PDXDC1: variants seen among roughly 807,000 people sequenced by gnomAD.
The protein encoded by PDXDC1 is pyridoxal-dependent decarboxylase domain-containing protein 1.
In PDXDC1, 42 loss-of-function variants were observed where a neutral mutation model predicts 100.1. The ratio of observed to expected loss-of-function variants is 0.42; its 90% confidence interval spans 0.33 to 0.54. The LOEUF (loss-of-function observed/expected upper bound fraction) is 0.54, where lower values mean the gene tolerates loss of function less well. PDXDC1 is among the 20% of genes least tolerant of loss of function. The pLI is 0.10. For synonymous variants in PDXDC1, 260 were observed against 371.7 expected (o/e 0.70, Z 3.46); for missense variants, 636 against 979.2 (o/e 0.65, Z 4.68).
At chr16:15,073,808 G>A (rs2045340091) in intron 16 of PDXDC1, among the ~76,000 whole-genome samples, 1 of 151,950 alleles carries the variant, frequency 6.6e-6, no homozygotes, top group African/African-American at 2.4e-5. Flanking sequence ...TTTTAGAGAT[G>A]GGGTCTTGTT....
chr16:15,131,546 T>C, intron 16 of PDXDC1: 2 of 1,609,538 alleles, frequency 1.2e-6, no homozygotes, highest in Non-Finnish European at 1.7e-6. Flanking sequence ...CCCGCCAGTG[T>C]CAGGGGCTCC....
intron 16 of PDXDC1, among the ~76,000 whole-genome samples, chr16:15,068,957 A>T (rs74358952): frequency 2.6e-5 from 4 of 152,334 alleles, no homozygotes; most frequent in African/African-American, 4.8e-5. Context: ...GGGATGTCAC[A>T]GCTTACAAAA....
At chr16:15,077,263 G>A (rs1306310430) in intron 16 of PDXDC1, among the ~76,000 whole-genome samples, 1 of 152,086 alleles carries the variant, frequency 6.6e-6, no homozygotes, top group Non-Finnish European at 1.5e-5. Flanking sequence ...ACAGGCATGA[G>A]CCACCGCGCC....
chr16:15,140,958 G>A (rs572643000), downstream of PDXDC1, among the ~76,000 whole-genome samples: 134 of 152,154 alleles, frequency 8.8e-4, no homozygotes, highest in African/African-American at 3.0e-3. Flanking sequence ...AGGTGCCTCT[G>A]CCTAGACTTG....
chr16:15,088,297 G>A (rs1484075095), intron 16 of PDXDC1, among the ~76,000 whole-genome samples: 3 of 152,104 alleles, frequency 2.0e-5, no homozygotes, highest in Non-Finnish European at 2.9e-5. Context: ...GCAACATGGG[G>A]AGACCTCATC....
At chr16:15,000,155 T>TTA (rs1972835392) in intron 3 of PDXDC1, among the ~76,000 whole-genome samples, 1 of 152,296 alleles carries the variant, frequency 6.6e-6, no homozygotes, top group Non-Finnish European at 1.5e-5. Flanking sequence ...GTTTTAAGGT[T>TTA]TAGTCTCCTA....
chr16:15,057,383 A>C (rs1286480623), intron 16 of PDXDC1, among the ~76,000 whole-genome samples: 1 of 152,240 alleles, frequency 6.6e-6, no homozygotes, highest in African/African-American at 2.4e-5. Context: ...ATTTGTCCTC[A>C]CAAATGTAGG....
the PDXDC1 span, among the ~76,000 whole-genome samples, chr16:15,148,974 G>A: frequency 2.0e-5 from 3 of 152,316 alleles, no homozygotes; most frequent in South Asian, 2.1e-4. Flanking sequence ...AGAAACTACC[G>A]TTTCTCACGC....
At chr16:15,152,054 G>A in the PDXDC1 span, among the ~76,000 whole-genome samples, 3 of 149,604 alleles carry the variant, frequency 2.0e-5, 1 homozygote, top group East Asian at 1.9e-4. Flanking sequence ...GTCTCCCCAC[G>A]GAGCTTCGAG....
chr16:15,055,840 T>G lies in PDXDC1; in HGVS notation c.1399+25784T>G, dbSNP rs1036699043. 5 of 1,020,652 alleles carry G rather than the reference T, an allele frequency of 4.9e-6. No homozygotes were observed. The African/African-American group carries it at 8.3e-5, about 17-fold the overall frequency. The allele number at this position is 1,020,652 out of a possible 1,614,324, so 63.2% of individuals were successfully genotyped here. On this transcript the variant is annotated intron_variant, in intron 16 of 16. Coordinates refer to the PDXDC1 transcript ENST00000535621. ...GCGTGAGGGGGGCGCTAGCCCGCCC[T>G]GCAGCTTCCCCTCGGGCCCGCCCCG... is the stretch of plus-strand genomic sequence containing the variant.
chr16:15,028,880 C>G lies in PDXDC1; in HGVS notation c.1207C>G (p.Pro403Ala). 1 of 1,613,530 alleles carries G rather than the reference C, an allele frequency of 6.2e-7. No homozygotes were observed. The highest frequency in any genetic ancestry group is 8.5e-7 in the Non-Finnish European group (1 of 1,179,750). ...RFFQELPGSDPVFKAVPVPNM... is the reference protein window; with the variant it reads ...RFFQELPGSDAVFKAVPVPNM... ...CCCTTTCTGTGTTTTGGTGTCAGAT[C>G]CGGTGTTTAAAGCCGTCCCAGTGCC... is the stretch of plus-strand genomic sequence containing the variant. Residue 403 changes from proline to alanine, a missense_variant and splice_region_variant, in exon 15 of 23, where the codon CCG becomes GCG. Physicochemically the swap from Pro to Ala is conservative, Grantham distance 27. Coordinates refer to ENST00000396410, the MANE Select transcript of PDXDC1 (RefSeq NM_015027.4).
intron 16 of PDXDC1, among the ~76,000 whole-genome samples, chr16:15,043,690 C>T (rs2043926024): frequency 6.6e-6 from 1 of 152,108 alleles, no homozygotes; most frequent in African/African-American, 2.4e-5. Context: ...TGACTCACAC[C>T]TGTAATCCCA....
chr16:15,068,781 A>C (rs564995321), intron 16 of PDXDC1, among the ~76,000 whole-genome samples: 2 of 152,340 alleles, frequency 1.3e-5, no homozygotes, highest in Non-Finnish European at 2.9e-5. Flanking sequence ...ACGGACGGCA[A>C]ATTTAGACAG....
chr16:15,011,631 C>CAT (rs2041272809), intron 8 of PDXDC1, among the ~76,000 whole-genome samples: 1 of 131,276 alleles, frequency 7.6e-6, no homozygotes, highest in African/African-American at 2.8e-5. Flanking sequence ...ACATTTTTTT[C>CAT]TTTTTTTTTT....
chr16:15,076,391 A>G, intron 16 of PDXDC1: 1 of 640,898 alleles, frequency 1.6e-6, no homozygotes, highest in South Asian at 1.8e-5. Flanking sequence ...CAACTATGCT[A>G]AGTGCTAAAT....
intron 1 of PDXDC1, chr16:14,990,046 C>T (rs1295621410): frequency 1.7e-5 from 26 of 1,486,588 alleles, no homozygotes; most frequent in South Asian, 9.9e-5. Flanking sequence ...CGCTGCGCGC[C>T]GGACCCCCCA....
intron 8 of PDXDC1, among the ~76,000 whole-genome samples, chr16:15,011,623 A>ATTTTTTTCTTTTTTTTTTTTTTTTTTTT (rs2041270846): frequency 5.1e-5 from 5 of 98,006 alleles, no homozygotes; most frequent in African/African-American, 7.3e-5. Context: ...TTTGCAAAAC[A>ATTTTTTTCTTTTTTTTTTTTTTTTTTTT]TTTTTTTCTT....
intron 12 of PDXDC1, among the ~76,000 whole-genome samples, chr16:15,021,003 C>CAA (rs1357114862): frequency 2.6e-5 from 4 of 152,184 alleles, no homozygotes; most frequent in Non-Finnish European, 5.9e-5. Context: ...CACACACACA[C>CAA]ACACACACGA....
intron 12 of PDXDC1, among the ~76,000 whole-genome samples, chr16:15,019,927 ACGGTGAAACCC>A (rs1429683565): frequency 2.6e-5 from 4 of 152,256 alleles, no homozygotes; most frequent in South Asian, 2.1e-4. Flanking sequence ...CCTGGCTAAC[ACGGTGAAACCC>A]CGTCTCTACT....
Sources: allele counts gnomAD v4.1 joint callset (sites outside exome capture counted in the v4.1 genomes callset), GRCh38; gene constraint gnomAD v4.1.1; transcripts MANE v1.5; gene names NCBI Gene and HGNC (gene_info 2026-07-23, HGNC 2026-07-21).